The following GALNT10 variants were observed in gnomAD, a reference collection of about 807,000 sequenced individuals.
GALNT10 encodes GalNAc transferase 10.
GALNT10 carries 41 observed loss-of-function variants against 75.0 expected under a neutral mutation model. That is an observed-to-expected ratio of 0.55 (90% CI 0.43 to 0.71). GALNT10 has a LOEUF of 0.71. GALNT10 is among the 30% of genes least tolerant of loss of function. The probability of loss-of-function intolerance (pLI) is 0.00; values close to 1 mark genes in which losing one functional copy is unlikely to be tolerated. For missense variants in GALNT10, 727 were observed against 818.5 expected, an observed-to-expected ratio of 0.89 and a Z score of 1.36; for synonymous variants, 302 against 313.0, an observed-to-expected ratio of 0.96 and a Z score of 0.37.
chr5:154,419,302 C>A lies in GALNT10; in HGVS notation c.*2330C>A, dbSNP rs541323372. ...TGTGGCCTAGAAGACCTCATCAGCCCCCGAGAGGAGGCCTTGCATTACCTC... is the reference window on the plus strand; with the variant it reads ...TGTGGCCTAGAAGACCTCATCAGCCACCGAGAGGAGGCCTTGCATTACCTC... On this transcript the variant is annotated 3_prime_UTR_variant, in exon 12 of 12. Transcript: ENST00000297107. 6.6e-6 allele frequency: 1 copy of A among 152,272 alleles called. No homozygotes were observed. Among genetic ancestry groups the A allele is most frequent in the African/African-American group, 2.4e-5 (1 of 41,536 alleles). The allele number at this position is 152,272 out of a possible 1,614,324, so 9.4% of individuals were successfully genotyped here.
At chr5:154,196,392 T>C (rs1017405244) in intron 1 of GALNT10, among the ~76,000 whole-genome samples, 7 of 152,192 alleles carry the variant, frequency 4.6e-5, no homozygotes, top group African/African-American at 1.7e-4. Flanking sequence ...CAGTTGCAAG[T>C]AACAAAACAA....
intron 8 of GALNT10, among the ~76,000 whole-genome samples, chr5:154,406,531 T>C (rs563601023): frequency 1.4e-4 from 22 of 152,322 alleles, no homozygotes; most frequent in African/African-American, 5.1e-4. Flanking sequence ...GCGTGGTGGC[T>C]CATGCCTGTA....
chr5:154,199,203 G>T (rs1369094942), intron 1 of GALNT10, among the ~76,000 whole-genome samples: 2 of 152,112 alleles, frequency 1.3e-5, no homozygotes, highest in East Asian at 3.9e-4. Flanking sequence ...GTTAAGGATG[G>T]TGACACCAGG....
At chr5:154,258,386 C>T (rs1394215053) in intron 1 of GALNT10, among the ~76,000 whole-genome samples, 2 of 152,138 alleles carry the variant, frequency 1.3e-5, no homozygotes, top group Admixed American at 6.5e-5. Flanking sequence ...GATAGTCAAA[C>T]TTTTTTAAAT....
At position 154,417,000 on chromosome 5, in the gene GALNT10, C is replaced by T. The variant is rs1756527688; in HGVS notation, c.*28C>T. ...CCTCATGTCCCCTTGGCAGGCCCCC[C>T]AGGGTCTGGCACTCACTGCAGACTT... On this transcript the variant is annotated 3_prime_UTR_variant, in exon 12 of 12. Coordinates refer to ENST00000297107, the MANE Select transcript of GALNT10 (RefSeq NM_198321.4). The surrounding 1 kb of genome is among the most constrained non-coding windows in gnomAD (Gnocchi z 4.5). 6.2e-7 allele frequency: 1 copy of T among 1,606,168 alleles called. No individual in the cohort carries two copies. The highest frequency in any genetic ancestry group is 1.1e-5 in the South Asian group (1 of 90,782).
chr5:154,212,376 G>A (rs891163133), intron 1 of GALNT10, among the ~76,000 whole-genome samples: 1 of 152,210 alleles, frequency 6.6e-6, no homozygotes, highest in African/African-American at 2.4e-5. Context: ...ACTGCGCCAG[G>A]CAGGACTGCC....
chr5:154,303,515 G>A (rs758023077), intron 3 of GALNT10, among the ~76,000 whole-genome samples: 4 of 152,156 alleles, frequency 2.6e-5, no homozygotes, highest in Non-Finnish European at 4.4e-5. Context: ...GGGCTTTAGG[G>A]AACAGTGCAT....
In GALNT10 at chr5:154,326,367, T is replaced by C. The variant is rs138128432; in HGVS notation, c.402-3205T>C. ...GGTCTTTACAAAGTTAAAAATGGAG[T>C]TACCTTTGACCCAGCAATCCAGCTG... On this transcript the variant is annotated intron_variant, in intron 3 of 11. Coordinates refer to ENST00000297107, the MANE Select transcript of GALNT10 (RefSeq NM_198321.4). Among the ~76,000 whole-genome samples the C allele has an allele frequency of 2.1e-3, 322 of 152,262 alleles. 1 individual carries two copies. The highest frequency in any genetic ancestry group is 7.6e-3 in the African/African-American group (315 of 41,548).
rs192445047 is a variant in GALNT10, at chr5:154,330,139, C to T, written c.568+401C>T. Among the ~76,000 whole-genome samples, 28 of 152,332 alleles carry T rather than the reference C, an allele frequency of 1.8e-4. No individual in the cohort carries two copies. In the East Asian group the frequency reaches 5.2e-3, roughly 28 times the overall value. On this transcript the variant is annotated intron_variant, in intron 4 of 11. Coordinates refer to ENST00000297107, the MANE Select transcript of GALNT10 (RefSeq NM_198321.4). ...CCAGGCTGTTTCTTTGTTTCTGCTT[C>T]CTCATCCTCATGGTCACAAAATGGT... is the stretch of plus-strand genomic sequence containing the variant.
intron 1 of GALNT10, among the ~76,000 whole-genome samples, chr5:154,290,620 T>A (rs1561651691): frequency 6.6e-6 from 1 of 152,190 alleles, no homozygotes; most frequent in Non-Finnish European, 1.5e-5. Context: ...CTATACTGTT[T>A]GTGATTGTCT....
At chr5:154,380,065 A>T (rs533296532) in intron 5 of GALNT10, among the ~76,000 whole-genome samples, 2 of 152,360 alleles carry the variant, frequency 1.3e-5, no homozygotes, top group Admixed American at 6.5e-5. Flanking sequence ...GGGCCTTCCC[A>T]GAAGGAAATC....
At chr5:154,399,620 A>C (rs1756116276) in intron 7 of GALNT10, among the ~76,000 whole-genome samples, 1 of 152,242 alleles carries the variant, frequency 6.6e-6, no homozygotes, top group South Asian at 2.1e-4. Flanking sequence ...CAGTGACTGA[A>C]GAATGGATGA....
chr5:154,278,735 C>G (rs1753991484), intron 1 of GALNT10, among the ~76,000 whole-genome samples: 1 of 152,170 alleles, frequency 6.6e-6, no homozygotes, highest in South Asian at 2.1e-4. Context: ...AACCTCTGTT[C>G]TACTTTCTGT....
At chr5:154,301,360 C>T (rs1754354294) in intron 3 of GALNT10, among the ~76,000 whole-genome samples, 1 of 152,038 alleles carries the variant, frequency 6.6e-6, no homozygotes, top group African/African-American at 2.4e-5. Context: ...ATAACTACCA[C>T]TGATCTTTTT....
rs77226154 is a variant in GALNT10 at position 154,289,529 on chromosome 5, T to G, written c.160-5287T>G. Reference sequence around the variant, plus strand: ...TTACAGTCTATTCCAGGGAGAGAACTGCAAGCTCTGGTTTGGTCCTTGGGG... The same window carrying G: ...TTACAGTCTATTCCAGGGAGAGAACGGCAAGCTCTGGTTTGGTCCTTGGGG... On this transcript the variant is annotated intron_variant, in intron 1 of 11. Transcript: ENST00000297107. Among the ~76,000 whole-genome samples, 262 of 152,318 alleles carry G rather than the reference T, an allele frequency of 1.7e-3. 1 individual carries two copies. The highest frequency in any genetic ancestry group is 6.0e-3 in the African/African-American group (249 of 41,570).
At chr5:154,241,522 G>A (rs1753337604) in intron 1 of GALNT10, among the ~76,000 whole-genome samples, 1 of 151,140 alleles carries the variant, frequency 6.6e-6, no homozygotes, top group Non-Finnish European at 1.5e-5. Context: ...AGAGGTTTGT[G>A]TTAACAAGGT....
intron 4 of GALNT10, chr5:154,356,237 A>G: frequency 2.2e-6 from 1 of 456,136 alleles, no homozygotes. Flanking sequence ...CCAGGATTCC[A>G]TTTGGAGACT....
At position 154,417,072 on chromosome 5, in the gene GALNT10, G is replaced by A; in HGVS notation, c.*100G>A. ...CCCCTGTGGGCACTAGGTGTAAAAG[G>A]TGCTGGCCAAATGGTTCAGGGTGAA... is the stretch of plus-strand genomic sequence containing the variant. On this transcript the variant is annotated 3_prime_UTR_variant, in exon 12 of 12. Coordinates refer to ENST00000297107, the MANE Select transcript of GALNT10 (RefSeq NM_198321.4). 3 of 1,073,182 alleles carry A rather than the reference G, an allele frequency of 2.8e-6. No individual in the cohort carries two copies. Among genetic ancestry groups the A allele is most frequent in the South Asian group, 1.4e-5 (1 of 71,062 alleles). The allele number at this position is 1,073,182 out of a possible 1,614,324, so 66.5% of individuals were successfully genotyped here.
chr5:154,226,708 A>T (rs550699198), intron 1 of GALNT10, among the ~76,000 whole-genome samples: 3 of 152,366 alleles, frequency 2.0e-5, no homozygotes, highest in African/African-American at 7.2e-5. Flanking sequence ...CTGCGTGTTT[A>T]AAGTATTCAA....
Sources: allele counts gnomAD v4.1 joint callset (sites outside exome capture counted in the v4.1 genomes callset), GRCh38; gene constraint gnomAD v4.1.1; non-coding constraint Gnocchi (gnomAD v3.1); transcripts MANE v1.5; gene names NCBI Gene and HGNC (gene_info 2026-07-23, HGNC 2026-07-21).